The following SMYD3 variants were observed in gnomAD, a reference collection of about 807,000 sequenced individuals.
SMYD3 encodes the protein histone-lysine N-methyltransferase SMYD3.
In SMYD3, 36 loss-of-function variants were observed where a neutral mutation model predicts 57.7. The ratio of observed to expected loss-of-function variants is 0.62; its 90% CI spans 0.48 to 0.82. The LOEUF (loss-of-function observed/expected upper bound fraction) is 0.82. Among genes scored for constraint, SMYD3 ranks in the 40% least tolerant of loss-of-function variants. SMYD3 has a pLI of 0.00. For synonymous variants in SMYD3, 211 were observed against 195.0 expected (o/e 1.08, Z -0.68); for missense variants, 515 against 538.8 (o/e 0.96, Z 0.44).
intron 5 of SMYD3, among the ~76,000 whole-genome samples, chr1:245,977,084 T>C (rs1260781878): frequency 6.6e-6 from 1 of 151,248 alleles, no homozygotes; most frequent in Non-Finnish European, 1.5e-5. Flanking sequence ...GCCTATGTTA[T>C]TGTGACACTC....
At chr1:245,964,579 CT>C (rs2058092122) in intron 5 of SMYD3, among the ~76,000 whole-genome samples, 1 of 152,010 alleles carries the variant, frequency 6.6e-6, no homozygotes, top group Non-Finnish European at 1.5e-5. Context: ...AAGCTAAAGG[CT>C]TTAATGAAAA....
intron 5 of SMYD3, among the ~76,000 whole-genome samples, chr1:246,273,464 T>C (rs989150430): frequency 1.3e-5 from 2 of 151,898 alleles, no homozygotes; most frequent in African/African-American, 4.8e-5. Context: ...AATGTCCCCA[T>C]TGTCATTTTT....
intron 2 of SMYD3, among the ~76,000 whole-genome samples, chr1:246,340,405 A>C (rs940011022): frequency 5.3e-5 from 8 of 152,110 alleles, no homozygotes; most frequent in African/African-American, 1.7e-4. Flanking sequence ...TATTTCAAAA[A>C]ATATAAATAA....
intron 10 of SMYD3, among the ~76,000 whole-genome samples, chr1:245,816,947 C>T (rs2048847224): frequency 1.3e-5 from 2 of 151,324 alleles, no homozygotes; most frequent in African/African-American, 2.4e-5. Context: ...GATCAAACTG[C>T]AAGGCGGCAG....
intron 5 of SMYD3, chr1:246,186,645 GC>G (rs2062645361): frequency 1.7e-6 from 1 of 585,344 alleles, no homozygotes; most frequent in South Asian, 7.5e-5. Context: ...TTTCATATCA[GC>G]CCCAAAACTA....
At chr1:246,093,818 A>G (rs1158908632) in intron 5 of SMYD3, among the ~76,000 whole-genome samples, 3 of 152,148 alleles carry the variant, frequency 2.0e-5, no homozygotes, top group Non-Finnish European at 4.4e-5. Context: ...TAAAATGGTA[A>G]CAAAGGGTTC....
rs534971237 is a variant in SMYD3, at chr1:246,493,160, C to CA, written c.164+13893dup. ...GAGTTATATCTCAATAAAGCTGTTA[C>CA]AAAAAAAGGAGGAGGTGGCCAGGCA... On this transcript the variant is annotated intron_variant, in intron 1 of 11. Transcript: ENST00000490107. Among the ~76,000 whole-genome samples the CA allele has an allele frequency of 3.7e-3, 558 of 149,070 alleles. 1 individual carries two copies. The highest frequency in any genetic ancestry group is 5.4e-3 in the Non-Finnish European group (367 of 67,584).
intron 1 of SMYD3, among the ~76,000 whole-genome samples, chr1:246,365,816 G>A (rs2066091964): frequency 6.6e-6 from 1 of 152,080 alleles, no homozygotes; most frequent in African/African-American, 2.4e-5. Context: ...GCCCCAAATC[G>A]CCAAAAGCTG....
chr1:245,759,543 A>G lies in SMYD3; in HGVS notation c.1185+4498T>C, dbSNP rs72766610. 5.0e-3 allele frequency among the ~76,000 whole-genome samples: 758 copies of G among 152,330 alleles called. 2 individuals carry two copies. The highest frequency in any genetic ancestry group is 8.8e-3 in the Non-Finnish European group (602 of 68,026). On this transcript the variant is annotated intron_variant, in intron 11 of 11. Transcript: ENST00000490107. Reference sequence around the variant, plus strand: ...AACCAAAGAGGTTAAGAATCACTGTAGCGGATTAAGACATGGGAACAACAG... The same window carrying G: ...AACCAAAGAGGTTAAGAATCACTGTGGCGGATTAAGACATGGGAACAACAG...
rs2068058563 is a variant in SMYD3, at chr1:246,478,554, C to CCG, written c.164+28499_164+28500insCG. On this transcript the variant is annotated intron_variant, in intron 1 of 11. Transcript: ENST00000490107. ...GTGCTCATATATGCACACCTGTCCTCTGTCCTGGAGCTGGTACATAAGTGC... is the reference window on the plus strand; with the variant it reads ...GTGCTCATATATGCACACCTGTCCTCCGTGTCCTGGAGCTGGTACATAAGTGC... Among the ~76,000 whole-genome samples the CCG allele has an allele frequency of 3.8e-5, 4 of 105,028 alleles. 1 individual carries two copies. Among genetic ancestry groups the CCG allele is most frequent in the African/African-American group, 1.5e-4 (4 of 25,824 alleles). 68.9% of individuals were successfully genotyped at this position (105,028 alleles called of 152,430 possible). A position where few individuals can be genotyped will look rare whatever the true frequency, so the allele number is the denominator to read the frequency against.
At chr1:246,354,658 T>G (rs2065883111) in intron 2 of SMYD3, among the ~76,000 whole-genome samples, 1 of 152,126 alleles carries the variant, frequency 6.6e-6, no homozygotes, top group South Asian at 2.1e-4. Context: ...ATCTTTTTTT[T>G]TTTAAACATA....
At chr1:245,931,125 T>C (rs974516843) in intron 5 of SMYD3, among the ~76,000 whole-genome samples, 1 of 152,156 alleles carries the variant, frequency 6.6e-6, no homozygotes, top group African/African-American at 2.4e-5. Context: ...ATATTTGGGT[T>C]TTGCTCTGAA....
intron 5 of SMYD3, among the ~76,000 whole-genome samples, chr1:245,955,276 T>C (rs911379779): frequency 2.0e-5 from 3 of 152,060 alleles, no homozygotes; most frequent in Non-Finnish European, 4.4e-5. Context: ...TTGTATTTTT[T>C]AGTAGAGACG....
rs1481089698 is a variant in SMYD3, at chr1:245,863,876, A to G, written c.824T>C (p.Met275Thr). The change falls in exon 9 of 12, where the codon ATG (methionine) becomes ACG (threonine). Residue 275 changes from methionine to threonine, a missense_variant. Coordinates refer to ENST00000490107, the MANE Select transcript of SMYD3 (RefSeq NM_001167740.2). ...RCQTQDKDAD[M>T]LTGDEQVWKE... ...CCATACTTGCTCATCACCAGTTAGC[A>G]TATCAGCATCCTGCTCAGGCCAGAA... 1.2e-6 allele frequency: 2 copies of G among 1,614,072 alleles called. No homozygotes were observed. Among genetic ancestry groups the G allele is most frequent in the African/African-American group, 2.7e-5 (2 of 74,938 alleles).
In SMYD3 at chr1:246,162,145, T is replaced by C. The variant is rs535159061; in HGVS notation, c.531+165056A>G. Among the ~76,000 whole-genome samples the C allele has an allele frequency of 2.0e-5, 3 of 151,988 alleles. No individual in the cohort carries two copies. The South Asian group carries it at 6.3e-4, about 32-fold the overall frequency. On this transcript the variant is annotated intron_variant, in intron 5 of 11. Coordinates refer to ENST00000490107, the MANE Select transcript of SMYD3 (RefSeq NM_001167740.2). ...AACATAAGTCGGTGGGAGCAATGTA[T>C]CTAAAGTGAGAATGAGTGAAGTAAT... is the stretch of plus-strand genomic sequence containing the variant.
At chr1:246,157,857 T>C (rs1183571611) in intron 5 of SMYD3, among the ~76,000 whole-genome samples, 1 of 152,200 alleles carries the variant, frequency 6.6e-6, no homozygotes, top group African/African-American at 2.4e-5. Flanking sequence ...GATCTAGACC[T>C]GTGGTTCAGA....
intron 5 of SMYD3, among the ~76,000 whole-genome samples, chr1:246,198,425 T>C (rs902055638): frequency 2.6e-5 from 4 of 152,238 alleles, no homozygotes; most frequent in Non-Finnish European, 4.4e-5. Context: ...GAAATACTAT[T>C]TTATTTTCAT....
At chr1:246,004,054 C>A (rs1455844111) in intron 5 of SMYD3, among the ~76,000 whole-genome samples, 1 of 57,064 alleles carries the variant, frequency 1.8e-5, no homozygotes, top group African/African-American at 3.3e-5. Flanking sequence ...TACTAAGGGG[C>A]CTTCTCAAGC....
chr1:246,338,456 C>A (rs1401800515), intron 2 of SMYD3, among the ~76,000 whole-genome samples: 1 of 152,210 alleles, frequency 6.6e-6, no homozygotes, highest in African/African-American at 2.4e-5. Context: ...TCCTGATTTA[C>A]ATTTTTTCCT....
Sources: gnomAD v4.1 joint callset for allele counts (sites outside exome capture counted in the v4.1 genomes callset) on GRCh38, gnomAD v4.1.1 for gene constraint, MANE v1.5 for transcripts, NCBI Gene and HGNC (gene_info 2026-07-23, HGNC 2026-07-21) for gene names.